Variants in KIAA0825 observed in about 807,000 individuals in gnomAD.
KIAA0825 encodes uncharacterized protein KIAA0825.
In KIAA0825, 119 loss-of-function variants were observed where a neutral mutation model predicts 147.6. The observed-to-expected ratio is 0.81, with a 90% CI of 0.69 to 0.94. The LOEUF (loss-of-function observed/expected upper bound fraction) is 0.94, where lower values mean the gene tolerates loss of function less well. Among genes scored for constraint, KIAA0825 ranks in the 40% least tolerant of loss-of-function variants. The pLI, the probability that KIAA0825 is intolerant of heterozygous loss-of-function variation, is 0.00. For missense variants in KIAA0825, 1,381 were observed against 1,472.7 expected (o/e 0.94, Z 1.02); for synonymous variants, 470 against 518.1 (o/e 0.91, Z 1.26).
chr5:94,513,213 T>G (rs903898524), intron 5 of KIAA0825, among the ~76,000 whole-genome samples: 27 of 152,178 alleles, frequency 1.8e-4, no homozygotes, highest in African/African-American at 6.5e-4. Flanking sequence ...TAATTTATTT[T>G]TCTAAGTCAA....
intron 6 of KIAA0825, among the ~76,000 whole-genome samples, chr5:94,481,441 T>G (rs893914728): frequency 1.3e-5 from 2 of 152,130 alleles, no homozygotes; most frequent in Admixed American, 6.6e-5. Context: ...ACTACAAGTC[T>G]TTCTTTTCTT....
intron 3 of KIAA0825, among the ~76,000 whole-genome samples, chr5:94,529,670 C>G (rs1419999384): frequency 6.6e-6 from 1 of 152,014 alleles, no homozygotes; most frequent in African/African-American, 2.4e-5. Context: ...AAGTTTTCCT[C>G]TTCACTGCTC....
At chr5:94,200,981 A>G (rs189998171) in intron 20 of KIAA0825, among the ~76,000 whole-genome samples, 3,003 of 136,376 alleles carry the variant, frequency 0.022, 45 homozygotes, top group Non-Finnish European at 0.034. Context: ...ATATATATAT[A>G]TATGTATATC....
At chr5:94,366,151 G>C (rs961443952) in intron 20 of KIAA0825, among the ~76,000 whole-genome samples, 4 of 152,172 alleles carry the variant, frequency 2.6e-5, no homozygotes, top group African/African-American at 9.7e-5. Context: ...TTCTTGGGGA[G>C]ACTGATTTGA....
chr5:94,290,519 T>C (rs1354463690), intron 20 of KIAA0825, among the ~76,000 whole-genome samples: 1 of 152,198 alleles, frequency 6.6e-6, no homozygotes. Context: ...ATATTTTCTT[T>C]ATCCAATCTA....
intron 2 of KIAA0825, among the ~76,000 whole-genome samples, chr5:94,547,791 C>T (rs1031500682): frequency 4.9e-5 from 7 of 143,130 alleles, no homozygotes; most frequent in Non-Finnish European, 1.1e-4. Context: ...TAACATACAA[C>T]GGAGCTCCAG....
chr5:94,153,902 T>A lies in KIAA0825; in HGVS notation c.*105A>T. Reference sequence around the variant, plus strand: ...TACAGAGATTACTCAGTCATTGGTTTCATGCTTCACAGCACATATGAGGTT... The same window carrying A: ...TACAGAGATTACTCAGTCATTGGTTACATGCTTCACAGCACATATGAGGTT... On this transcript the variant is annotated 3_prime_UTR_variant, in exon 21 of 21. Transcript: ENST00000682413. 3 of 709,592 alleles carry A rather than the reference T, an allele frequency of 4.2e-6. No homozygotes were observed. Among genetic ancestry groups the A allele is most frequent in the Non-Finnish European group, 7.3e-6 (3 of 409,228 alleles). 44.0% of individuals were successfully genotyped at this position (709,592 alleles called of 1,614,324 possible).
intron 20 of KIAA0825, among the ~76,000 whole-genome samples, chr5:94,161,112 C>G (rs1453351612): frequency 2.0e-5 from 3 of 152,162 alleles, no homozygotes; most frequent in African/African-American, 7.2e-5. Context: ...ATGCATACCC[C>G]ACTGCCATTA....
chr5:94,206,591 CTTA>C (rs1457209736), intron 20 of KIAA0825, among the ~76,000 whole-genome samples: 4 of 152,072 alleles, frequency 2.6e-5, no homozygotes, highest in Non-Finnish European at 5.9e-5. Context: ...TATGTTTATT[CTTA>C]TTATCTTCTT....
intron 2 of KIAA0825, among the ~76,000 whole-genome samples, chr5:94,559,276 G>T (rs1777130688): frequency 6.6e-6 from 1 of 151,966 alleles, no homozygotes. Flanking sequence ...ATATTGTTTT[G>T]GAAAATGTTG....
intron 1 of KIAA0825, among the ~76,000 whole-genome samples, chr5:94,609,518 G>T (rs563376943): frequency 1.3e-5 from 2 of 152,164 alleles, no homozygotes; most frequent in East Asian, 3.9e-4. Context: ...TATAAAAGAG[G>T]TCTTCAGTAA....
At chr5:94,565,710 A>G (rs905258871) in intron 2 of KIAA0825, among the ~76,000 whole-genome samples, 2 of 152,188 alleles carry the variant, frequency 1.3e-5, no homozygotes, top group Non-Finnish European at 2.9e-5. Flanking sequence ...GGTAGTTTGT[A>G]GTGGGGAAAT....
intron 20 of KIAA0825, among the ~76,000 whole-genome samples, chr5:94,191,076 AT>A (rs1173706605): frequency 6.6e-6 from 1 of 152,182 alleles, no homozygotes; most frequent in Non-Finnish European, 1.5e-5. Flanking sequence ...TGACAACTCA[AT>A]ATTAAATTCC....
At chr5:94,264,407 G>A (rs950686372) in intron 20 of KIAA0825, among the ~76,000 whole-genome samples, 2 of 152,120 alleles carry the variant, frequency 1.3e-5, no homozygotes, top group Non-Finnish European at 2.9e-5. Flanking sequence ...TTAAATGAAT[G>A]AATAGATAAC....
intron 14 of KIAA0825, among the ~76,000 whole-genome samples, chr5:94,423,610 C>T (rs1754477920): frequency 6.6e-6 from 1 of 152,132 alleles, no homozygotes; most frequent in Non-Finnish European, 1.5e-5. Context: ...TGACAAGCTC[C>T]TGCTGAGACA....
chr5:94,223,843 A>G (rs908498697), intron 20 of KIAA0825, among the ~76,000 whole-genome samples: 2 of 152,120 alleles, frequency 1.3e-5, no homozygotes, highest in Non-Finnish European at 2.9e-5. Context: ...GACATTTAAC[A>G]TGCCTTAGTT....
intron 20 of KIAA0825, among the ~76,000 whole-genome samples, chr5:94,302,069 T>C (rs749837107): frequency 3.3e-5 from 5 of 152,166 alleles, no homozygotes; most frequent in African/African-American, 9.7e-5. Context: ...CTGGCCTCCA[T>C]AGCAGAGCTC....
chr5:94,383,957 G>A (rs976662530), intron 20 of KIAA0825, among the ~76,000 whole-genome samples: 1 of 151,974 alleles, frequency 6.6e-6, no homozygotes, highest in Admixed American at 6.6e-5. Flanking sequence ...ATTTGGCTTG[G>A]CATTTTATAC....
At chr5:94,169,255 CA>C (rs1768359024) in intron 20 of KIAA0825, among the ~76,000 whole-genome samples, 1 of 152,160 alleles carries the variant, frequency 6.6e-6, no homozygotes, top group Non-Finnish European at 1.5e-5. Flanking sequence ...AGGCCTGACT[CA>C]TATTTTGATT....
Sources: gnomAD v4.1 joint callset for allele counts (sites outside exome capture counted in the v4.1 genomes callset) on GRCh38, gnomAD v4.1.1 for gene constraint, MANE v1.5 for transcripts, NCBI Gene and HGNC (gene_info 2026-07-23, HGNC 2026-07-21) for gene names.